DPP6: variants seen among roughly 807,000 people sequenced by gnomAD.
DPP6 encodes the protein A-type potassium channel modulatory protein DPP6.
DPP6 carries 69 observed loss-of-function variants against 122.6 expected under a neutral mutation model. That is an observed-to-expected ratio of 0.56 (90% CI 0.46 to 0.69). DPP6 has a LOEUF of 0.69. DPP6 is among the 30% of genes least tolerant of loss of function. DPP6 has a pLI of 0.00. For synonymous variants in DPP6, 418 were observed against 433.1 expected (o/e 0.97, Z 0.43); for missense variants, 928 against 1,116.9 (o/e 0.83, Z 2.41).
intron 1 of DPP6, among the ~76,000 whole-genome samples, chr7:154,236,871 G>T (rs1030655610): frequency 9.2e-5 from 14 of 152,152 alleles, no homozygotes; most frequent in African/African-American, 3.1e-4. Flanking sequence ...TAAGGAAACA[G>T]GATATTGTGT....
chr7:154,487,640 T>C (rs971143557), intron 3 of DPP6, among the ~76,000 whole-genome samples: 2 of 152,188 alleles, frequency 1.3e-5, no homozygotes, highest in African/African-American at 4.8e-5. Context: ...CGTCCTCTTT[T>C]TAGAGTGAAG....
At chr7:154,036,011 C>CGT (rs749173432) in intron 1 of DPP6, among the ~76,000 whole-genome samples, 4,569 of 10,400 alleles carry the variant, frequency 0.44, 114 homozygotes, top group East Asian at 0.46. Flanking sequence ...CAGGATTACG[C>CGT]GCGCGCGCTT....
chr7:154,045,577 C>T (rs914101926), intron 1 of DPP6, among the ~76,000 whole-genome samples: 8 of 152,188 alleles, frequency 5.3e-5, no homozygotes, highest in Non-Finnish European at 7.3e-5. Context: ...TTGAAAGCCA[C>T]TGTATGAGTA....
chr7:154,519,038 G>C (rs78984288), intron 3 of DPP6, among the ~76,000 whole-genome samples: 4,165 of 152,212 alleles, frequency 0.027, 98 homozygotes, highest in South Asian at 0.092. Context: ...TTAATGACTA[G>C]TGTGTGATGA....
chr7:153,936,492 A>G (rs1043743047), intron 1 of DPP6, among the ~76,000 whole-genome samples: 6 of 152,052 alleles, frequency 3.9e-5, no homozygotes, highest in Non-Finnish European at 8.8e-5. Context: ...AGAGTCTGGG[A>G]CTGAGTTAAT....
At chr7:154,852,529 C>T (rs1802494429) in intron 16 of DPP6, among the ~76,000 whole-genome samples, 1 of 152,154 alleles carries the variant, frequency 6.6e-6, no homozygotes, top group African/African-American at 2.4e-5. Flanking sequence ...CCTCTCCTCC[C>T]TCTCCTGCCT....
At chr7:154,476,150 C>A (rs1453488243) in intron 3 of DPP6, among the ~76,000 whole-genome samples, 2 of 152,176 alleles carry the variant, frequency 1.3e-5, no homozygotes, top group African/African-American at 4.8e-5. Flanking sequence ...CTTTCGTCCT[C>A]TATTGTGGCT....
chr7:153,911,387 G>A (rs1475247972), intron 1 of DPP6, among the ~76,000 whole-genome samples: 2 of 152,128 alleles, frequency 1.3e-5, no homozygotes. Flanking sequence ...TTATTGGTTG[G>A]CATGACTATT....
upstream of DPP6, among the ~76,000 whole-genome samples, chr7:153,886,913 T>TGG (rs1249475351): frequency 3.9e-5 from 6 of 151,946 alleles, no homozygotes; most frequent in Admixed American, 3.9e-4. Context: ...GGCGGCTCCA[T>TGG]CCGCGGCAAT....
intron 1 of DPP6, among the ~76,000 whole-genome samples, chr7:153,905,940 G>A (rs1799831899): frequency 6.6e-6 from 1 of 152,210 alleles, no homozygotes; most frequent in South Asian, 2.1e-4. Flanking sequence ...AGCAGCAACA[G>A]AGAAGCTTGG....
chr7:154,210,836 G>A (rs116991376), intron 1 of DPP6, among the ~76,000 whole-genome samples: 3 of 149,986 alleles, frequency 2.0e-5, no homozygotes. Flanking sequence ...GTGCAAAAAG[G>A]AAAAAAAAAG....
chr7:153,891,274 G>A (rs542814290), intron 1 of DPP6, among the ~76,000 whole-genome samples: 19 of 151,702 alleles, frequency 1.3e-4, no homozygotes, highest in African/African-American at 3.6e-4. Context: ...CACCCGCCTC[G>A]GCCTCCCAAA....
intron 1 of DPP6, among the ~76,000 whole-genome samples, chr7:154,087,760 T>G (rs567843482): frequency 8.5e-5 from 13 of 152,322 alleles, no homozygotes; most frequent in African/African-American, 3.1e-4. Flanking sequence ...CAAGTAAACA[T>G]GGGGTGGTAC....
At chr7:154,761,697 T>C (rs1795568299) in intron 8 of DPP6, among the ~76,000 whole-genome samples, 1 of 152,056 alleles carries the variant, frequency 6.6e-6, no homozygotes, top group Non-Finnish European at 1.5e-5. Context: ...CACCACACTT[T>C]TTTTTTTCAA....
chr7:154,546,085 G>A (rs912174283), intron 4 of DPP6, among the ~76,000 whole-genome samples: 8 of 152,004 alleles, frequency 5.3e-5, no homozygotes, highest in Non-Finnish European at 8.8e-5. Context: ...GAAAATACTT[G>A]AAACTAGGAA....
chr7:154,147,178 A>G (rs1339908741), intron 1 of DPP6, among the ~76,000 whole-genome samples: 9,317 of 150,014 alleles, frequency 0.062, no homozygotes, highest in African/African-American at 0.21. Context: ...CCAAAATAAC[A>G]CAGGATTGGT....
chr7:154,829,926 G>T (rs1200281190), intron 16 of DPP6, among the ~76,000 whole-genome samples: 5 of 152,022 alleles, frequency 3.3e-5, no homozygotes, highest in Non-Finnish European at 7.4e-5. Flanking sequence ...AGACCCCTGG[G>T]CCCTTTCTGT....
chr7:154,437,407 C>T (rs985473197), intron 1 of DPP6, among the ~76,000 whole-genome samples: 13 of 152,134 alleles, frequency 8.5e-5, no homozygotes, highest in African/African-American at 2.9e-4. Flanking sequence ...AACATTCTGC[C>T]GTGCCAACTG....
chr7:153,937,125 G>A (rs1483108388), intron 1 of DPP6, among the ~76,000 whole-genome samples: 1 of 152,162 alleles, frequency 6.6e-6, no homozygotes, highest in Non-Finnish European at 1.5e-5. Flanking sequence ...GGGCGGCTAT[G>A]AGGAGAACCC....
Sources: gnomAD v4.1 joint callset for allele counts (sites outside exome capture counted in the v4.1 genomes callset) on GRCh38, gnomAD v4.1.1 for gene constraint, MANE v1.5 for transcripts, NCBI Gene and HGNC (gene_info 2026-07-23, HGNC 2026-07-21) for gene names.